Variants in TENM2 observed in about 807,000 individuals in gnomAD.
The protein encoded by TENM2 is teneurin transmembrane protein 2.
TENM2 carries 52 observed loss-of-function variants against 245.2 expected under a neutral mutation model. The observed-to-expected ratio is 0.21, with a 90% CI of 0.17 to 0.27. TENM2 has a LOEUF of 0.27. Ranked by LOEUF, TENM2 falls within the 10% of genes least tolerant of loss-of-function variation. The pLI, the probability that TENM2 is intolerant of heterozygous loss-of-function variation, is 1.00. For missense variants in TENM2, 3,046 were observed against 3,666.8 expected, an observed-to-expected ratio of 0.83 and a Z score of 4.37; for synonymous variants, 1,363 against 1,438.9, an observed-to-expected ratio of 0.95 and a Z score of 1.19.
chr5:168,196,072 G>C (rs938134952), intron 15 of TENM2, among the ~76,000 whole-genome samples: 13 of 152,160 alleles, frequency 8.5e-5, no homozygotes, highest in African/African-American at 3.1e-4. Context: ...AATGAAAAGG[G>C]AACTGTGGCT....
chr5:167,158,629 C>T, the TENM2 span, among the ~76,000 whole-genome samples: 1 of 152,108 alleles, frequency 6.6e-6, no homozygotes, highest in African/African-American at 2.4e-5. Context: ...CCATCTTCTC[C>T]TTATATCTTC....
At chr5:167,355,256 A>C (rs1561888292) in intron 1 of TENM2, among the ~76,000 whole-genome samples, 3 of 152,150 alleles carry the variant, frequency 2.0e-5, no homozygotes, top group Admixed American at 2.0e-4. Flanking sequence ...CTTAAGTACA[A>C]AGAAGCATAC....
At chr5:167,253,251 T>C in the TENM2 span, among the ~76,000 whole-genome samples, 1 of 111,408 alleles carries the variant, frequency 9.0e-6, no homozygotes, top group Non-Finnish European at 2.0e-5. Context: ...CCAACAGGCC[T>C]GGCTTTTTTT....
the TENM2 span, among the ~76,000 whole-genome samples, chr5:167,063,212 A>G: frequency 7.2e-5 from 11 of 152,098 alleles, no homozygotes; most frequent in African/African-American, 2.2e-4. Flanking sequence ...CCAGAGATAA[A>G]CCTTGTCTTG....
chr5:167,287,079 A>T (rs1033209468), intron 1 of TENM2, among the ~76,000 whole-genome samples: 1 of 152,258 alleles, frequency 6.6e-6, no homozygotes, highest in Non-Finnish European at 1.5e-5. Context: ...GTATTTGCAT[A>T]TGCAAGTGCA....
the TENM2 span, among the ~76,000 whole-genome samples, chr5:167,205,049 C>T: frequency 1.3e-5 from 2 of 152,262 alleles, no homozygotes; most frequent in African/African-American, 4.8e-5. Context: ...CAGAAAACAC[C>T]TCATACAATT....
the TENM2 span, among the ~76,000 whole-genome samples, chr5:167,075,395 T>C: frequency 1.3e-5 from 2 of 152,176 alleles, no homozygotes; most frequent in African/African-American, 2.4e-5. Context: ...TGGTAAAATG[T>C]GACAAGACGG....
intron 2 of TENM2, among the ~76,000 whole-genome samples, chr5:167,852,904 C>T (rs1268181234): frequency 6.6e-6 from 1 of 152,118 alleles, no homozygotes; most frequent in Non-Finnish European, 1.5e-5. Flanking sequence ...AAGATGGAAA[C>T]CTCTGTTTAT....
the TENM2 span, among the ~76,000 whole-genome samples, chr5:167,149,438 AAAG>A: frequency 0.023 from 3,491 of 152,178 alleles, 120 homozygotes; most frequent in African/African-American, 0.079. Context: ...GGAATATTTT[AAAG>A]AAGATTACAT....
rs771998339 is a variant in TENM2, at chr5:168,018,184, TTCTC to T, written c.1186+25006_1186+25009del. Among the ~76,000 whole-genome samples, 4 of 152,268 alleles carry T rather than the reference TTCTC, an allele frequency of 2.6e-5. No individual in the cohort carries two copies. In the East Asian group the frequency reaches 5.8e-4, roughly 22 times the overall value. ...ATAGCAATGCAAGAATCACTAATCT[TTCTC>T]TCTTTCCCTTTCTCCCTATTCCTCT... On this transcript the variant is annotated intron_variant, in intron 5 of 28. Transcript: ENST00000518659.
chr5:167,166,466 A>G, the TENM2 span, among the ~76,000 whole-genome samples: 1 of 152,168 alleles, frequency 6.6e-6, no homozygotes, highest in African/African-American at 2.4e-5. Flanking sequence ...TTTCTGGCTT[A>G]TAATATTGTT....
intron 2 of TENM2, among the ~76,000 whole-genome samples, chr5:167,407,074 G>A (rs1215122753): frequency 1.3e-5 from 2 of 152,130 alleles, no homozygotes; most frequent in African/African-American, 2.4e-5. Context: ...AAGAAATGAG[G>A]ATGGATTAAT....
chr5:167,846,167 C>G (rs997459655), intron 2 of TENM2, among the ~76,000 whole-genome samples: 1 of 152,222 alleles, frequency 6.6e-6, no homozygotes, highest in Admixed American at 6.5e-5. Context: ...ATTTACATGT[C>G]TATCTCCCTC....
At chr5:167,577,103 C>T (rs779069548) in intron 2 of TENM2, among the ~76,000 whole-genome samples, 3 of 152,084 alleles carry the variant, frequency 2.0e-5, no homozygotes, top group Admixed American at 6.5e-5. Context: ...ATGACAAAGA[C>T]GTCCCAGAGG....
chr5:167,634,909 A>T lies in TENM2; in HGVS notation c.503-241077A>T, dbSNP rs546275473. ...TTCATGAAAATAAGTATTCATGAAC[A>T]TAACTAAAAATTTAAGCATTGATTT... On this transcript the variant is annotated intron_variant, in intron 2 of 28. Coordinates refer to ENST00000518659, the Ensembl canonical transcript of TENM2. Among the ~76,000 whole-genome samples the T allele has an allele frequency of 3.3e-5, 5 of 152,190 alleles. No homozygotes were observed. The East Asian group carries it at 7.7e-4, about 24-fold the overall frequency.
chr5:168,200,128 G>A, exon 17 of TENM2: 1 of 1,611,676 alleles, frequency 6.2e-7, no homozygotes. Context: ...CTCAGATGCT[G>A]TTGGTATGTT....
chr5:167,513,339 T>G (rs1770096868), intron 2 of TENM2, among the ~76,000 whole-genome samples: 2 of 152,274 alleles, frequency 1.3e-5, no homozygotes, highest in South Asian at 2.1e-4. Flanking sequence ...AAATATAGAA[T>G]ATCATTTTAA....
chr5:167,340,730 C>A (rs1758045249), intron 1 of TENM2, among the ~76,000 whole-genome samples: 1 of 152,140 alleles, frequency 6.6e-6, no homozygotes, highest in Non-Finnish European at 1.5e-5. Flanking sequence ...GGAAATGACA[C>A]TATTGAAATT....
chr5:167,688,982 G>A (rs572872988), intron 2 of TENM2, among the ~76,000 whole-genome samples: 13 of 152,240 alleles, frequency 8.5e-5, no homozygotes, highest in African/African-American at 2.4e-4. Flanking sequence ...GGGGCACATC[G>A]GAGTGCCTGG....
Sources: allele counts gnomAD v4.1 joint callset (sites outside exome capture counted in the v4.1 genomes callset), GRCh38; gene constraint gnomAD v4.1.1; transcripts MANE v1.5; gene names NCBI Gene and HGNC (gene_info 2026-07-23, HGNC 2026-07-21).